METTL15: variants seen among roughly 807,000 people sequenced by gnomAD.
METTL15 encodes methyltransferase 15, mitochondrial 12S rRNA N4-cytidine, also known as 12S rRNA N(4)-cytidine methyltransferase METTL15.
In METTL15, 34 loss-of-function variants were observed where a neutral mutation model predicts 38.3. The ratio of observed to expected loss-of-function variants is 0.89; its 90% CI spans 0.68 to 1.18. The LOEUF (loss-of-function observed/expected upper bound fraction) is 1.18. Ranked by LOEUF, METTL15 falls within the 50% of genes most tolerant of loss-of-function variation. The pLI is 0.00. For missense variants in METTL15, 438 were observed against 498.4 expected, an observed-to-expected ratio of 0.88 and a Z score of 1.15; for synonymous variants, 162 against 170.9, an observed-to-expected ratio of 0.95 and a Z score of 0.41.
intron 4 of METTL15, among the ~76,000 whole-genome samples, chr11:28,232,120 A>G (rs942233550): frequency 7.2e-5 from 11 of 151,892 alleles, no homozygotes; most frequent in African/African-American, 2.7e-4. Context: ...AAAATATGTT[A>G]TAAGTCTAGA....
intron 5 of METTL15, among the ~76,000 whole-genome samples, chr11:28,386,396 A>C (rs1471673608): frequency 6.6e-6 from 1 of 152,010 alleles, no homozygotes; most frequent in African/African-American, 2.4e-5. Flanking sequence ...ATTCCATGAC[A>C]ATGGTAATTA....
intron 6 of METTL15, among the ~76,000 whole-genome samples, chr11:28,519,915 T>A (rs1466113258): frequency 3.9e-5 from 6 of 151,968 alleles, no homozygotes; most frequent in Non-Finnish European, 8.8e-5. Context: ...GCCCCCTGAT[T>A]GTTTGTCCAG....
At chr11:28,442,991 T>C (rs1851047744) in intron 6 of METTL15, among the ~76,000 whole-genome samples, 1 of 152,240 alleles carries the variant, frequency 6.6e-6, no homozygotes, top group African/African-American at 2.4e-5. Context: ...TGAAATGCAC[T>C]GATCTTAAGT....
intron 3 of METTL15, among the ~76,000 whole-genome samples, chr11:28,140,357 C>G (rs762928950): frequency 3.9e-5 from 6 of 152,106 alleles, no homozygotes; most frequent in Non-Finnish European, 8.8e-5. Context: ...CTGACATTCC[C>G]AACCCTTGAG....
chr11:28,369,384 G>A (rs1420424314), intron 5 of METTL15, among the ~76,000 whole-genome samples: 1 of 151,918 alleles, frequency 6.6e-6, no homozygotes, highest in African/African-American at 2.4e-5. Flanking sequence ...CTTATGTGAG[G>A]AAATAATGGT....
At chr11:28,416,356 A>G (rs1850772250) in intron 5 of METTL15, among the ~76,000 whole-genome samples, 1 of 150,454 alleles carries the variant, frequency 6.6e-6, no homozygotes, top group Admixed American at 6.6e-5. Flanking sequence ...GGTCCCAGGG[A>G]AGAGATCCAC....
chr11:28,385,433 T>C (rs188064645), intron 5 of METTL15, among the ~76,000 whole-genome samples: 1 of 152,228 alleles, frequency 6.6e-6, no homozygotes, highest in East Asian at 1.9e-4. Context: ...TTCAGCTTTG[T>C]CAAAGATTAG....
intron 4 of METTL15, among the ~76,000 whole-genome samples, chr11:28,272,691 C>T (rs570841251): frequency 5.3e-5 from 8 of 152,210 alleles, no homozygotes; most frequent in African/African-American, 1.9e-4. Flanking sequence ...ACATTCTGCA[C>T]ATGTATCCCA....
At chr11:28,204,730 G>A (rs1482713414) in intron 3 of METTL15, among the ~76,000 whole-genome samples, 2 of 151,852 alleles carry the variant, frequency 1.3e-5, no homozygotes, top group African/African-American at 2.4e-5. Flanking sequence ...CTTCATGATT[G>A]TAATGATGAT....
At chr11:28,195,128 C>T (rs965124348) in intron 3 of METTL15, among the ~76,000 whole-genome samples, 1 of 152,058 alleles carries the variant, frequency 6.6e-6, no homozygotes, top group African/African-American at 2.4e-5. Flanking sequence ...GATTCCCTAT[C>T]TTTGCAATTG....
intron 3 of METTL15, among the ~76,000 whole-genome samples, chr11:28,169,222 T>A (rs978409128): frequency 6.6e-6 from 1 of 152,078 alleles, no homozygotes; most frequent in Non-Finnish European, 1.5e-5. Context: ...AAATATGAAT[T>A]CTGTATTCAA....
At chr11:28,365,934 C>T (rs537882651) in intron 5 of METTL15, among the ~76,000 whole-genome samples, 1 of 152,148 alleles carries the variant, frequency 6.6e-6, no homozygotes, top group African/African-American at 2.4e-5. Context: ...ACCTGTAGTG[C>T]CAGCTACTCG....
At chr11:28,429,164 C>G (rs1289185658) in intron 6 of METTL15, among the ~76,000 whole-genome samples, 1 of 152,156 alleles carries the variant, frequency 6.6e-6, no homozygotes, top group Non-Finnish European at 1.5e-5. Context: ...CTGAGTATCT[C>G]TTCTCAATTT....
At chr11:28,294,451 A>C (rs912144405) in intron 5 of METTL15, among the ~76,000 whole-genome samples, 1 of 152,158 alleles carries the variant, frequency 6.6e-6, no homozygotes, top group African/African-American at 2.4e-5. Flanking sequence ...TAAAGTCTTA[A>C]AACATAGTTT....
Position 28,343,215 on chromosome 11 carries a change from GAA to G in METTL15, c.*190-8861_*190-8860del, listed in dbSNP as rs35539603. Among the ~76,000 whole-genome samples, 113 of 129,736 alleles carry G rather than the reference GAA, an allele frequency of 8.7e-4. No homozygotes were observed. The Middle Eastern group carries it at 0.013, about 15-fold the overall frequency. The allele number at this position is 129,736 out of a possible 152,430, so 85.1% of individuals were successfully genotyped here. On this transcript the variant is annotated intron_variant and NMD_transcript_variant, in intron 3 of 7. Transcript: ENST00000532947. ...ATGGGGTGGGGAAGGTCAGGGAGAA[GAA>G]AAAAAAAAAAAAACTTATAGTGAAC...
chr11:28,478,555 A>T (rs1851366878), intron 6 of METTL15, among the ~76,000 whole-genome samples: 1 of 151,986 alleles, frequency 6.6e-6, no homozygotes, highest in Non-Finnish European at 1.5e-5. Flanking sequence ...TTTATCTCCA[A>T]CTTTTTTATG....
At chr11:28,110,054 A>G (rs1323301561) in intron 1 of METTL15, 112 bp from the exon 2 acceptor site, 1 of 152,262 alleles carries the variant, frequency 6.6e-6, no homozygotes, top group Non-Finnish European at 1.5e-5. Flanking sequence ...GAGCAGAGAT[A>G]AGGATAAATG....
At chr11:28,210,352 T>C (rs548788501) in intron 3 of METTL15, among the ~76,000 whole-genome samples, 2 of 152,070 alleles carry the variant, frequency 1.3e-5, no homozygotes, top group African/African-American at 4.8e-5. Flanking sequence ...GGTGATGGTA[T>C]CTTCTTTTCT....
At chr11:28,526,327 G>T (rs1391683125) in intron 6 of METTL15, among the ~76,000 whole-genome samples, 2 of 152,250 alleles carry the variant, frequency 1.3e-5, no homozygotes, top group African/African-American at 4.8e-5. Context: ...TGCGAGGGCT[G>T]CCAGCATGCT....
Sources: gnomAD v4.1 joint callset for allele counts (sites outside exome capture counted in the v4.1 genomes callset) on GRCh38, gnomAD v4.1.1 for gene constraint, MANE v1.5 for transcripts, NCBI Gene and HGNC (gene_info 2026-07-23, HGNC 2026-07-21) for gene names.